The following KAZN variants were observed in gnomAD, a reference collection of about 807,000 sequenced individuals.
KAZN encodes kazrin.
In KAZN, 40 loss-of-function variants were observed where a neutral mutation model predicts 87.4. That is an observed-to-expected ratio of 0.46 (90% CI 0.36 to 0.60). KAZN has a LOEUF of 0.60. KAZN is among the 20% of genes least tolerant of loss of function. KAZN has a pLI of 0.00. For missense variants in KAZN, 898 were observed against 1,073.9 expected (o/e 0.84, Z 2.29); for synonymous variants, 466 against 458.3 (o/e 1.02, Z -0.22).
At chr1:14,139,676 A>T (rs1284660343) in intron 1 of KAZN, among the ~76,000 whole-genome samples, 2 of 152,206 alleles carry the variant, frequency 1.3e-5, no homozygotes, top group Non-Finnish European at 2.9e-5. Flanking sequence ...GATTGATATT[A>T]GCCTTCTACC....
chr1:14,357,164 G>A (rs1414632783), intron 2 of KAZN, among the ~76,000 whole-genome samples: 1 of 152,092 alleles, frequency 6.6e-6, no homozygotes, highest in Non-Finnish European at 1.5e-5. Context: ...GGATTTCTAG[G>A]TATTTTATTC....
intron 4 of KAZN, among the ~76,000 whole-genome samples, chr1:15,053,177 G>T (rs1234500220): frequency 3.9e-5 from 6 of 152,204 alleles, no homozygotes; most frequent in Non-Finnish European, 7.3e-5. Flanking sequence ...AGGGAGTGGG[G>T]CATCCCCCTA....
chr1:13,966,040 C>T (rs1215946532), intron 1 of KAZN, among the ~76,000 whole-genome samples: 1 of 152,128 alleles, frequency 6.6e-6, no homozygotes, highest in Non-Finnish European at 1.5e-5. Flanking sequence ...GTCCAGGCGG[C>T]TCTCCAAGTC....
In KAZN at chr1:14,945,205, T is replaced by C. The variant is rs1317400602; in HGVS notation, c.227-15479T>C. Among the ~76,000 whole-genome samples the C allele has an allele frequency of 2.0e-5, 3 of 152,222 alleles. No homozygotes were observed. The East Asian group carries it at 5.8e-4, about 29-fold the overall frequency. ...GGAGCACCCCTGCAGGCCTCGCAGC[T>C]ATAGATGGTGGAAGTCCAGTGCTGG... On this transcript the variant is annotated intron_variant, in intron 1 of 14. Coordinates refer to ENST00000376030, the MANE Select transcript of KAZN (RefSeq NM_201628.3).
At chr1:14,580,307 C>T (rs895699588) in intron 2 of KAZN, among the ~76,000 whole-genome samples, 1 of 152,102 alleles carries the variant, frequency 6.6e-6, no homozygotes, top group Non-Finnish European at 1.5e-5. Flanking sequence ...GAAACCCCAT[C>T]TCTACTAAAA....
intron 1 of KAZN, among the ~76,000 whole-genome samples, chr1:14,772,254 A>G (rs1163829599): frequency 6.6e-6 from 1 of 152,114 alleles, no homozygotes; most frequent in East Asian, 1.9e-4. Flanking sequence ...AGGCCGAGGC[A>G]GGAGGATCGC....
intron 2 of KAZN, among the ~76,000 whole-genome samples, chr1:14,454,002 A>G (rs1415902977): frequency 2.0e-5 from 3 of 152,212 alleles, no homozygotes; most frequent in Admixed American, 2.0e-4. Context: ...TATTTTTAGG[A>G]CAATATTATA....
intron 5 of KAZN, among the ~76,000 whole-genome samples, chr1:15,058,261 A>C (rs1324027841): frequency 6.6e-6 from 1 of 152,234 alleles, no homozygotes; most frequent in Non-Finnish European, 1.5e-5. Flanking sequence ...ACACATAACA[A>C]ACCTGGCTCA....
intron 2 of KAZN, among the ~76,000 whole-genome samples, chr1:14,409,022 G>A (rs1033830066): frequency 5.3e-5 from 8 of 152,142 alleles, no homozygotes; most frequent in South Asian, 2.1e-4. Flanking sequence ...CAGGCAGAGG[G>A]AATTTTTTCA....
At chr1:13,995,360 G>A (rs1639465858) in intron 1 of KAZN, among the ~76,000 whole-genome samples, 1 of 152,082 alleles carries the variant, frequency 6.6e-6, no homozygotes, top group South Asian at 2.1e-4. Context: ...AAGGTTAATG[G>A]ATACAGAGCA....
At chr1:14,361,276 C>T (rs1446907077) in intron 2 of KAZN, among the ~76,000 whole-genome samples, 2 of 152,196 alleles carry the variant, frequency 1.3e-5, no homozygotes, top group Non-Finnish European at 2.9e-5. Flanking sequence ...TGGCAGACGC[C>T]TCTCCCCACA....
chr1:14,215,864 T>C (rs1212376339), intron 2 of KAZN, among the ~76,000 whole-genome samples: 1 of 152,194 alleles, frequency 6.6e-6, no homozygotes, highest in Non-Finnish European at 1.5e-5. Flanking sequence ...TCAGGGAGGC[T>C]AAGCTTCTCA....
chr1:14,073,647 G>A (rs369353224), intron 1 of KAZN, among the ~76,000 whole-genome samples: 6 of 152,102 alleles, frequency 3.9e-5, no homozygotes, highest in South Asian at 2.1e-4. Context: ...GAGAACATGC[G>A]GTGTTTGATT....
intron 2 of KAZN, among the ~76,000 whole-genome samples, chr1:14,464,436 C>T (rs1052871061): frequency 6.6e-6 from 1 of 152,148 alleles, no homozygotes; most frequent in African/African-American, 2.4e-5. Context: ...TTGGTTTACC[C>T]AAGTCCTCCC....
At chr1:13,913,518 G>C (rs1186830195) in intron 1 of KAZN, among the ~76,000 whole-genome samples, 1 of 152,150 alleles carries the variant, frequency 6.6e-6, no homozygotes, top group Non-Finnish European at 1.5e-5. Flanking sequence ...GGCCCTGTAA[G>C]GTCAGGGACT....
intron 2 of KAZN, among the ~76,000 whole-genome samples, chr1:14,243,209 C>T (rs1018860759): frequency 1.3e-5 from 2 of 152,152 alleles, no homozygotes; most frequent in Non-Finnish European, 2.9e-5. Flanking sequence ...TCCAGAAACC[C>T]AGCATCTTTC....
rs115393604 is a variant in KAZN, at chr1:14,787,820, G to A, written c.227-172864G>A. On this transcript the variant is annotated intron_variant, in intron 1 of 14. Transcript: ENST00000376030. Reference sequence around the variant, plus strand: ...GTCTAGGAATCCGCAATAGCCCAGGGAGGTGATGGTGAGGCCTGAACGGGG... The same window carrying A: ...GTCTAGGAATCCGCAATAGCCCAGGAAGGTGATGGTGAGGCCTGAACGGGG... Among the ~76,000 whole-genome samples the A allele has an allele frequency of 5.3e-3, 804 of 152,282 alleles. 9 individuals carry two copies. The highest frequency in any genetic ancestry group is 0.018 in the African/African-American group (761 of 41,552).
At chr1:15,085,754 A>T (rs1640222642) in intron 8 of KAZN, among the ~76,000 whole-genome samples, 1 of 152,242 alleles carries the variant, frequency 6.6e-6, no homozygotes, top group South Asian at 2.1e-4. Flanking sequence ...ACAAGATAGG[A>T]AAAAATAGAA....
intron 2 of KAZN, among the ~76,000 whole-genome samples, chr1:14,373,468 A>G (rs1660666925): frequency 6.6e-6 from 1 of 152,134 alleles, no homozygotes; most frequent in South Asian, 2.1e-4. Context: ...CTTTTTGTCA[A>G]TAAATATTCA....
Sources: allele counts gnomAD v4.1 joint callset (sites outside exome capture counted in the v4.1 genomes callset), GRCh38; gene constraint gnomAD v4.1.1; transcripts MANE v1.5; gene names NCBI Gene and HGNC (gene_info 2026-07-23, HGNC 2026-07-21).